The following EGF variants were observed in gnomAD, a reference collection of about 807,000 sequenced individuals.
The protein encoded by EGF is pro-epidermal growth factor.
EGF carries 95 observed loss-of-function variants against 143.8 expected under a neutral mutation model. The ratio of observed to expected loss-of-function variants is 0.66; its 90% CI spans 0.56 to 0.78. The LOEUF (loss-of-function observed/expected upper bound fraction) is 0.78, where lower values mean the gene tolerates loss of function less well. Among genes scored for constraint, EGF ranks in the 30% least tolerant of loss-of-function variants. The pLI, the probability that EGF is intolerant of heterozygous loss-of-function variation, is 0.00. For missense variants in EGF, 1,320 were observed against 1,470.9 expected, an observed-to-expected ratio of 0.90 and a Z score of 1.68; for synonymous variants, 510 against 510.5, an observed-to-expected ratio of 1.00 and a Z score of 0.01.
chr4:109,957,691 C>CTCT (rs1745018101), intron 5 of EGF, among the ~76,000 whole-genome samples: 1 of 152,236 alleles, frequency 6.6e-6, no homozygotes, highest in Non-Finnish European at 1.5e-5. Flanking sequence ...TTTGCTCAGG[C>CTCT]TCTTGCTGAT....
At position 110,001,887 on chromosome 4, in the gene EGF, C is replaced by A. The variant is rs181356927; in HGVS notation, c.3173+2041C>A. ...GTTGTACAATTCTTCCTGAGTGAAT[C>A]TATGGTTATTTACCTAACAATTCTG... On this transcript the variant is annotated intron_variant, in intron 21 of 23. Transcript: ENST00000265171. 17 of 985,420 alleles carry A rather than the reference C, an allele frequency of 1.7e-5. No individual in the cohort carries two copies. In the East Asian group the frequency reaches 1.5e-3, roughly 85 times the overall value. 61.0% of individuals were successfully genotyped at this position (985,420 alleles called of 1,614,324 possible). A position where few individuals can be genotyped will look rare whatever the true frequency, so the allele number is the denominator to read the frequency against.
chr4:109,917,387 A>T (rs777943181), intron 1 of EGF, among the ~76,000 whole-genome samples: 6 of 152,264 alleles, frequency 3.9e-5, no homozygotes, highest in Non-Finnish European at 8.8e-5. Flanking sequence ...GCTCAAGCAA[A>T]TTAAAAACCT....
chr4:110,009,939 A>G (rs1480328059), intron 23 of EGF, among the ~76,000 whole-genome samples: 2 of 152,178 alleles, frequency 1.3e-5, no homozygotes. Context: ...AAATACACCT[A>G]AAATCTGAAT....
rs1009819693 is a variant in EGF, at chr4:109,943,948, T to A, written c.616T>A (p.Ser206Thr). The change falls in exon 4 of 24, where the codon TCA becomes ACA. Residue 206 changes from serine (S) to threonine (T), a missense_variant. Around this residue, in one of 5 missense-constraint regions of EGF, gnomAD observed 1,186 missense variants for 1,313.7 expected, o/e 0.90. Transcript: ENST00000265171. ...LETSEKITAV[S>T]LDVLDKRLFW... ...GACATCAGAGAAAATAACAGCTGTG[T>A]CATTGGATGTGCTTGATAAGCGGCT... 6.2e-7 allele frequency: 1 copy of A among 1,614,170 alleles called. No individual in the cohort carries two copies. The highest frequency in any genetic ancestry group is 8.5e-7 in the Non-Finnish European group (1 of 1,180,024).
chr4:109,932,503 C>T (rs1739957611), intron 1 of EGF, among the ~76,000 whole-genome samples: 4 of 150,540 alleles, frequency 2.7e-5, no homozygotes, highest in African/African-American at 7.3e-5. Context: ...CTCAGCCTCC[C>T]GAGTATCTGG....
chr4:109,919,293 C>G (rs7688334), intron 1 of EGF, among the ~76,000 whole-genome samples: 426 of 41,490 alleles, frequency 0.01, 4 homozygotes, highest in African/African-American at 0.063. Context: ...CTCTGTCTCT[C>G]TCTCTCTCTC....
chr4:109,992,170 TAAAAAAAAAAAAAAAA>T (rs58841408), intron 18 of EGF, among the ~76,000 whole-genome samples: 1 of 65,634 alleles, frequency 1.5e-5, no homozygotes, highest in African/African-American at 6.9e-5. Flanking sequence ...CAAGATTCTT[TAAAAAAAAAAAAAAAA>T]AAAAAAAAAA....
intron 21 of EGF, among the ~76,000 whole-genome samples, chr4:110,000,250 CA>C (rs754279332): frequency 0.062 from 5,788 of 94,002 alleles, 371 homozygotes; most frequent in African/African-American, 0.18. Context: ...GACTCCGTGT[CA>C]AAAAAAAAAA....
rs1233520657 is a variant in EGF at position 110,004,543 on chromosome 4, A to G, written c.3212A>G (p.Tyr1071Cys). 1.9e-6 allele frequency: 3 copies of G among 1,614,008 alleles called. No individual in the cohort carries two copies. Among genetic ancestry groups the G allele is most frequent in the Non-Finnish European group, 2.5e-6 (3 of 1,179,980 alleles). ...KLLSKNPKNP[Y>C]EESSRDVRSR... is the part of the protein sequence containing the mutation. ...CTATCGAAAAACCCAAAGAATCCTT[A>G]TGAGGAGTCGAGCAGAGATGTGAGG... is the stretch of plus-strand genomic sequence containing the variant. Residue 1071 changes from tyrosine (Y) to cysteine (C), a missense_variant, in exon 22 of 24, where the codon TAT becomes TGT. Transcript: ENST00000265171.
intron 20 of EGF, among the ~76,000 whole-genome samples, chr4:109,998,740 G>C (rs115675639): frequency 0.022 from 3,303 of 152,254 alleles, 128 homozygotes; most frequent in African/African-American, 0.076. Context: ...GGGCACTGGT[G>C]TCAGTTCTCT....
chr4:110,011,329 T>A lies in EGF; in HGVS notation c.3498T>A (p.His1166Gln). The A allele has an allele frequency of 6.2e-7, 1 of 1,614,146 alleles. No homozygotes were observed. The highest frequency in any genetic ancestry group is 8.5e-7 in the Non-Finnish European group (1 of 1,180,020). The change falls in exon 24 of 24, where the codon CAT becomes CAA. Residue 1166 changes from histidine to glutamine, a missense_variant. By Grantham distance (24) the His-to-Gln change is conservative. Transcript: ENST00000265171. ...CCCAGGTAATGGAGCGAAGCTTTCA[T>A]ATGCCCTCCTATGGGACACAGACCC... is the stretch of plus-strand genomic sequence containing the variant. ...SCPQVMERSF[H>Q]MPSYGTQTLE...
chr4:110,007,987 T>A (rs1160078303), intron 22 of EGF, among the ~76,000 whole-genome samples, 165 bp from the exon 23 acceptor site: 1 of 152,216 alleles, frequency 6.6e-6, no homozygotes, highest in Non-Finnish European at 1.5e-5. Context: ...TCACTGAATG[T>A]TGAATCTCTC....
chr4:109,983,522 G>A lies in EGF; in HGVS notation c.2472G>A (p.Val824=). The A allele has an allele frequency of 6.2e-7, 1 of 1,613,738 alleles. No individual in the cohort carries two copies. The highest frequency in any genetic ancestry group is 8.5e-7 in the Non-Finnish European group (1 of 1,179,790). Residue 824 remains valine (V), a synonymous_variant, in exon 16 of 24, where the codon GTG becomes GTA. Transcript: ENST00000265171. ...TTACAGAATCTCAACACATGCTAGT[G>A]GCTGAAATCATGGTGTCAGGTATGA... ...DNITESQHML[V]AEIMVSDQDD...
chr4:109,934,702 A>G lies in EGF; in HGVS notation c.128-6244A>G, dbSNP rs546910370. ...GGGTTTTTATGGTTTTAGGTCTTAC[A>G]TTTAAGTCTTTAATCAATCTTGAGT... On this transcript the variant is annotated intron_variant, in intron 1 of 23. Coordinates refer to ENST00000265171, the MANE Select transcript of EGF (RefSeq NM_001963.6). Among the ~76,000 whole-genome samples the G allele has an allele frequency of 3.3e-4, 50 of 152,288 alleles. No homozygotes were observed. The South Asian group carries it at 0.01, about 31-fold the overall frequency.
intron 5 of EGF, among the ~76,000 whole-genome samples, chr4:109,949,618 CT>C (rs773134299): frequency 0.023 from 3,183 of 140,774 alleles, 77 homozygotes; most frequent in African/African-American, 0.065. Context: ...GTTCAGACCT[CT>C]TTTTTTTTTT....
intron 5 of EGF, among the ~76,000 whole-genome samples, chr4:109,956,693 C>T (rs913180226): frequency 1.3e-5 from 2 of 151,826 alleles, no homozygotes; most frequent in African/African-American, 2.4e-5. Flanking sequence ...AAATCATAGG[C>T]AAGAAATAAA....
chr4:109,981,866 A>G (rs1010243089), intron 15 of EGF, among the ~76,000 whole-genome samples: 70 of 152,142 alleles, frequency 4.6e-4, no homozygotes, highest in African/African-American at 1.7e-3. Flanking sequence ...CTGTGTAGTC[A>G]ATGGTCAAGA....
intron 20 of EGF, among the ~76,000 whole-genome samples, chr4:109,995,291 G>A (rs1456971438): frequency 6.6e-6 from 1 of 152,072 alleles, no homozygotes; most frequent in Non-Finnish European, 1.5e-5. Context: ...CAAAAGTTTG[G>A]TACATATTCA....
At chr4:109,944,935 C>A in intron 4 of EGF, 138 bp from the exon 5 acceptor site, 1 of 914,946 alleles carries the variant, frequency 1.1e-6, no homozygotes, top group Non-Finnish European at 1.7e-6. Flanking sequence ...ACTTAATATA[C>A]TTTTCTAAAC....
Sources: allele counts gnomAD v4.1 joint callset (sites outside exome capture counted in the v4.1 genomes callset), GRCh38; gene constraint gnomAD v4.1.1; regional missense constraint gnomAD v4.1.1; transcripts MANE v1.5; gene names NCBI Gene and HGNC (gene_info 2026-07-23, HGNC 2026-07-21).